Variants in SMPX observed in about 807,000 individuals in gnomAD.
The protein encoded by SMPX is small muscular protein.
A neutral mutation model predicts 6.3 loss-of-function variants in SMPX; 2 were observed. The observed-to-expected ratio is 0.32, with a 90% CI of 0.13 to 0.99. SMPX has a LOEUF of 0.99. SMPX is among the 50% of genes least tolerant of loss of function. The pLI is 0.49. For missense variants in SMPX, 60 were observed against 66.8 expected, an observed-to-expected ratio of 0.90 and a Z score of 0.36; for synonymous variants, 32 against 24.7, an observed-to-expected ratio of 1.30 and a Z score of -0.88.
chrX:21,746,524 T>C (rs1172387431), intron 2 of SMPX, among the ~76,000 whole-genome samples: 6 of 111,155 alleles, frequency 5.4e-5, no homozygotes, highest in African/African-American at 2.0e-4. Context: ...AACGAGCAGA[T>C]AAAATGGATA....
chrX:21,714,421 T>G (rs956492442), intron 4 of SMPX, among the ~76,000 whole-genome samples: 1 of 112,274 alleles, frequency 8.9e-6, no homozygotes, highest in Non-Finnish European at 1.9e-5. Flanking sequence ...CACCAGAGTT[T>G]GCTTAATTGG....
intron 2 of SMPX, among the ~76,000 whole-genome samples, chrX:21,749,324 G>A (rs776635482): frequency 5.3e-5 from 6 of 112,241 alleles, no homozygotes; most frequent in Middle Eastern, 4.7e-3. Context: ...CTTTTAACTC[G>A]AAGCCAACTT....
At chrX:21,742,414 C>A (rs914165851) in intron 3 of SMPX, among the ~76,000 whole-genome samples, 1 of 111,918 alleles carries the variant, frequency 8.9e-6, no homozygotes, top group Non-Finnish European at 1.9e-5. Context: ...TCGCAGTGAC[C>A]CTCTGAGGAA....
chrX:21,749,989 G>C (rs980538731), intron 2 of SMPX, among the ~76,000 whole-genome samples: 11 of 111,771 alleles, frequency 9.8e-5, no homozygotes, highest in African/African-American at 3.6e-4. Flanking sequence ...TTTCATTAAC[G>C]GTGGAGAGAA....
At chrX:21,731,027 T>C (rs1416879917) in intron 4 of SMPX, among the ~76,000 whole-genome samples, 3 of 111,608 alleles carry the variant, frequency 2.7e-5, no homozygotes, top group Non-Finnish European at 3.8e-5. Context: ...CTCTAAGTAC[T>C]GCTTTCATTG....
At chrX:21,753,172 C>T (rs898663533) in intron 2 of SMPX, among the ~76,000 whole-genome samples, 12 of 112,094 alleles carry the variant, frequency 1.1e-4, no homozygotes, top group African/African-American at 3.9e-4. Context: ...TTGCCAAATT[C>T]ATAGGCCCTT....
intron 1 of SMPX, among the ~76,000 whole-genome samples, chrX:21,756,204 T>C (rs2092832777): frequency 8.9e-6 from 1 of 112,710 alleles, no homozygotes; most frequent in South Asian, 3.6e-4. Context: ...TTATTGTACA[T>C]CAATTTGAAA....
intron 4 of SMPX, among the ~76,000 whole-genome samples, chrX:21,735,193 T>C (rs1381678564): frequency 1.8e-5 from 2 of 112,071 alleles, no homozygotes; most frequent in Admixed American, 1.9e-4. Flanking sequence ...ATGTTCTCCT[T>C]CTGCGACCAC....
intron 4 of SMPX, among the ~76,000 whole-genome samples, chrX:21,736,552 G>A (rs1399125314): frequency 2.7e-5 from 3 of 112,019 alleles, no homozygotes; most frequent in East Asian, 5.6e-4. Context: ...AATGTTCTTC[G>A]CACAGTATCT....
At chrX:21,718,008 C>T (rs1387977240) in intron 4 of SMPX, among the ~76,000 whole-genome samples, 1 of 112,447 alleles carries the variant, frequency 8.9e-6, no homozygotes, top group Non-Finnish European at 1.9e-5. Context: ...CCTGCCAAGT[C>T]TGAGACAGTT....
intron 4 of SMPX, among the ~76,000 whole-genome samples, chrX:21,729,146 T>C (rs1422729634): frequency 8.9e-6 from 1 of 112,880 alleles, no homozygotes. Context: ...AAGAATCATA[T>C]TTAAGAGTGC....
At chrX:21,721,190 ACT>A (rs1216962102) in intron 4 of SMPX, among the ~76,000 whole-genome samples, 9 of 111,502 alleles carry the variant, frequency 8.1e-5, no homozygotes, top group African/African-American at 2.6e-4. Context: ...TAAGAATATG[ACT>A]CTATATATTG....
intron 2 of SMPX, among the ~76,000 whole-genome samples, chrX:21,752,806 C>G (rs748711118): frequency 9.0e-6 from 1 of 111,508 alleles, no homozygotes; most frequent in African/African-American, 3.3e-5. Flanking sequence ...CATGAACCAC[C>G]GCGCCCGGCC....
chrX:21,713,742 C>A (rs983824306), intron 4 of SMPX, among the ~76,000 whole-genome samples: 7 of 111,927 alleles, frequency 6.3e-5, no homozygotes, highest in Non-Finnish European at 1.3e-4. Flanking sequence ...GGGACACAAC[C>A]AAACCATATC....
chrX:21,707,812 A>G (rs959616731), intron 4 of SMPX, among the ~76,000 whole-genome samples: 8 of 112,411 alleles, frequency 7.1e-5, no homozygotes, highest in African/African-American at 2.6e-4. Context: ...CACCCCCGCT[A>G]AAGCACCCTA....
intron 2 of SMPX, among the ~76,000 whole-genome samples, chrX:21,746,078 C>A (rs2092821098): frequency 9.0e-6 from 1 of 111,612 alleles, no homozygotes; most frequent in Non-Finnish European, 1.9e-5. Flanking sequence ...AACAATTGCT[C>A]TGGGTCTCAT....
At position 21,706,192 on chromosome X, in the gene SMPX, G is replaced by T. The variant is rs1174353383; in HGVS notation, c.*217C>A. ...CACACCCTCCAGGTGTTGAATTTAT[G>T]GGCTAATTTGTTCTGTGAGGTGCCA... is the stretch of plus-strand genomic sequence containing the variant. On this transcript the variant is annotated 3_prime_UTR_variant, in exon 5 of 5. Transcript: ENST00000379494. The T allele has an allele frequency of 3.1e-5, 16 of 508,946 alleles. No homozygotes were observed. In the East Asian group the frequency reaches 5.8e-4, roughly 19 times the overall value. The allele number at this position is 508,946 out of a possible 1,213,427, so 41.9% of individuals were successfully genotyped here. A position where few individuals can be genotyped will look rare whatever the true frequency, so the allele number is the denominator to read the frequency against.
chrX:21,717,957 G>A (rs948322385), intron 4 of SMPX, among the ~76,000 whole-genome samples: 4 of 112,211 alleles, frequency 3.6e-5, no homozygotes, highest in African/African-American at 6.5e-5. Flanking sequence ...GGATTGGAGC[G>A]AGGAATGTCC....
chrX:21,740,068 T>C (rs920449297), intron 3 of SMPX, among the ~76,000 whole-genome samples: 1 of 112,050 alleles, frequency 8.9e-6, no homozygotes, highest in African/African-American at 3.2e-5. Flanking sequence ...AAGTCACATA[T>C]AATGGGAAAT....
Sources: gnomAD v4.1 joint callset for allele counts (sites outside exome capture counted in the v4.1 genomes callset) on GRCh38, gnomAD v4.1.1 for gene constraint, MANE v1.5 for transcripts, NCBI Gene and HGNC (gene_info 2026-07-23, HGNC 2026-07-21) for gene names.